The following ACTR3C variants were observed in gnomAD, a reference collection of about 807,000 sequenced individuals.
The protein encoded by ACTR3C is actin related protein 3C, also known as actin-related protein 3C.
Under a neutral mutation model 26.3 loss-of-function variants are expected in ACTR3C, and 18 were observed. That is an observed-to-expected ratio of 0.68 (90% CI 0.47 to 1.01). The LOEUF is 1.01. Ranked by LOEUF, ACTR3C falls within the 50% of genes least tolerant of loss-of-function variation. ACTR3C has a pLI of 0.00. For missense variants in ACTR3C, 184 were observed against 250.7 expected (o/e 0.73, Z 1.80); for synonymous variants, 55 against 94.5 (o/e 0.58, Z 2.42).
downstream of ACTR3C, chr7:150,245,358 T>C: frequency 6.6e-6 from 1 of 152,180 alleles, no homozygotes; most frequent in African/African-American, 2.4e-5. Flanking sequence ...AAGATTTGTA[T>C]TTTAATTTAC....
At chr7:150,250,749 A>T (rs1476002572) in intron 6 of ACTR3C, among the ~76,000 whole-genome samples, 1 of 151,900 alleles carries the variant, frequency 6.6e-6, no homozygotes, top group Non-Finnish European at 1.5e-5. Context: ...GTGGCCACTA[A>T]TTGAGGTGAA....
At chr7:149,894,006 G>A in the ACTR3C span, among the ~76,000 whole-genome samples, 512 of 152,264 alleles carry the variant, frequency 3.4e-3, 3 homozygotes, top group Non-Finnish European at 5.7e-3. Context: ...GAAAGCTGGA[G>A]GGATCACACT....
At chr7:150,302,174 G>A (rs1253712261) in intron 1 of ACTR3C, among the ~76,000 whole-genome samples, 3 of 152,212 alleles carry the variant, frequency 2.0e-5, no homozygotes, top group Non-Finnish European at 4.4e-5. Context: ...GTGGAAAAAC[G>A]TATAAGGTCA....
chr7:150,277,684 C>G (rs1277950624), intron 6 of ACTR3C, among the ~76,000 whole-genome samples: 2 of 152,084 alleles, frequency 1.3e-5, no homozygotes, highest in African/African-American at 2.4e-5. Context: ...GCAGCAAGAA[C>G]CCTGAACCTT....
the ACTR3C span, among the ~76,000 whole-genome samples, chr7:150,075,423 C>G: frequency 0.039 from 5,791 of 147,362 alleles, 366 homozygotes; most frequent in African/African-American, 0.14. Context: ...AAGATAGTGT[C>G]TTCTGAGCTG....
At chr7:150,069,069 G>A in the ACTR3C span, among the ~76,000 whole-genome samples, 1,525 of 152,204 alleles carry the variant, frequency 0.01, 8 homozygotes, top group African/African-American at 0.016. Context: ...ATCAAATAGG[G>A]GTATGCCTAA....
At chr7:150,315,058 T>G (rs1203403414) in intron 1 of ACTR3C, among the ~76,000 whole-genome samples, 1 of 147,388 alleles carries the variant, frequency 6.8e-6, no homozygotes, top group Admixed American at 6.8e-5. Context: ...TTTTATTATT[T>G]TATTATTAAA....
At chr7:150,125,698 T>C in the ACTR3C span, among the ~76,000 whole-genome samples, 268 of 152,122 alleles carry the variant, frequency 1.8e-3, no homozygotes, top group Non-Finnish European at 2.4e-3. Context: ...CCTAGATTTA[T>C]GTCTTATGGG....
chr7:150,261,620 T>G (rs1245166260), intron 6 of ACTR3C, among the ~76,000 whole-genome samples: 1 of 152,248 alleles, frequency 6.6e-6, no homozygotes, highest in Non-Finnish European at 1.5e-5. Context: ...CAGAATTGCT[T>G]GAACCGGGGA....
the ACTR3C span, among the ~76,000 whole-genome samples, chr7:150,110,712 G>C: frequency 6.7e-6 from 1 of 148,294 alleles, no homozygotes; most frequent in Non-Finnish European, 1.5e-5. Flanking sequence ...GGGCGGGACT[G>C]CCTGAGGGTG....
the ACTR3C span, among the ~76,000 whole-genome samples, chr7:150,148,344 G>GCT: frequency 3.9e-5 from 6 of 152,110 alleles, no homozygotes; most frequent in Non-Finnish European, 4.4e-5. Context: ...AGGCGTGGTG[G>GCT]CATGCACCTG....
chr7:150,257,265 T>C (rs1382500986), intron 6 of ACTR3C, among the ~76,000 whole-genome samples: 1 of 152,180 alleles, frequency 6.6e-6, no homozygotes, highest in Non-Finnish European at 1.5e-5. Flanking sequence ...GCCTCTGTGC[T>C]AGTTTACAAG....
the ACTR3C span, among the ~76,000 whole-genome samples, chr7:150,142,067 G>A: frequency 6.6e-6 from 1 of 152,150 alleles, no homozygotes; most frequent in Non-Finnish European, 1.5e-5. Context: ...CCCCGCCTCC[G>A]ATGATTCTAG....
the ACTR3C span, among the ~76,000 whole-genome samples, chr7:149,913,661 T>G: frequency 6.6e-6 from 1 of 150,854 alleles, no homozygotes; most frequent in African/African-American, 2.4e-5. Context: ...TCTGTGTTCT[T>G]AACACCCCTC....
chr7:149,958,955 A>G, the ACTR3C span, among the ~76,000 whole-genome samples: 2 of 152,178 alleles, frequency 1.3e-5, no homozygotes, highest in Non-Finnish European at 2.9e-5. Context: ...CCAGAACATC[A>G]GTGTATTCTT....
At chr7:149,889,595 A>T in the ACTR3C span, among the ~76,000 whole-genome samples, 1 of 152,198 alleles carries the variant, frequency 6.6e-6, no homozygotes, top group Non-Finnish European at 1.5e-5. Flanking sequence ...TTTCATACTC[A>T]TCAGATGGGC....
chr7:150,089,884 A>G, the ACTR3C span, among the ~76,000 whole-genome samples: 1 of 152,256 alleles, frequency 6.6e-6, no homozygotes, highest in Admixed American at 6.5e-5. Context: ...CCACTTGCAC[A>G]GTTGGGTTTT....
the ACTR3C span, among the ~76,000 whole-genome samples, chr7:149,946,667 C>T: frequency 6.6e-6 from 1 of 152,168 alleles, no homozygotes; most frequent in Non-Finnish European, 1.5e-5. Flanking sequence ...CTGTTTATTT[C>T]CTGTTTATGG....
At chr7:150,080,995 C>T in the ACTR3C span, among the ~76,000 whole-genome samples, 1 of 152,194 alleles carries the variant, frequency 6.6e-6, no homozygotes, top group African/African-American at 2.4e-5. Flanking sequence ...TGATACAATT[C>T]TTTAATGACT....
Sources: gnomAD v4.1 joint callset for allele counts (sites outside exome capture counted in the v4.1 genomes callset) on GRCh38, gnomAD v4.1.1 for gene constraint, MANE v1.5 for transcripts, NCBI Gene and HGNC (gene_info 2026-07-23, HGNC 2026-07-21) for gene names.